Variants in DOCK8 observed in about 807,000 individuals in gnomAD.
DOCK8 encodes dedicator of cytokinesis 8.
DOCK8 carries 141 observed loss-of-function variants against 245.6 expected under a neutral mutation model. The ratio of observed to expected loss-of-function variants is 0.57; its 90% CI spans 0.50 to 0.66. The LOEUF (loss-of-function observed/expected upper bound fraction) is 0.66. Among genes scored for constraint, DOCK8 ranks in the 30% least tolerant of loss-of-function variants. The probability of loss-of-function intolerance (pLI) is 0.00; values close to 1 mark genes in which losing one functional copy is unlikely to be tolerated. For synonymous variants in DOCK8, 1,168 were observed against 970.2 expected, an observed-to-expected ratio of 1.20 and a Z score of -3.79; for missense variants, 2,965 against 2,603.4, an observed-to-expected ratio of 1.14 and a Z score of -3.02.
chr9:307,361 T>TGG (rs2049891902), intron 5 of DOCK8, among the ~76,000 whole-genome samples: 8 of 56,490 alleles, frequency 1.4e-4, no homozygotes, highest in African/African-American at 4.3e-4. Context: ...TTTTTTTTTT[T>TGG]TTTTTTTTTT....
At chr9:386,746 C>G (rs2053972638) in intron 23 of DOCK8, among the ~76,000 whole-genome samples, 1 of 151,614 alleles carries the variant, frequency 6.6e-6, no homozygotes. Flanking sequence ...ATTTGCATTT[C>G]TAACAAGTTC....
chr9:368,307 C>CT, intron 15 of DOCK8, 172 bp downstream of exon 15: 1 of 754,890 alleles, frequency 1.3e-6, no homozygotes, highest in Non-Finnish European at 2.5e-6. Context: ...CAGGGTCAGT[C>CT]TTACTTGACG....
At chr9:285,298 G>C (rs575164446) in intron 2 of DOCK8, among the ~76,000 whole-genome samples, 1 of 152,228 alleles carries the variant, frequency 6.6e-6, no homozygotes, top group East Asian at 1.9e-4. Context: ...TCTCCAGCTT[G>C]AAGCCCTTAC....
intron 21 of DOCK8, chr9:381,426 A>G (rs1345716314): frequency 1.3e-5 from 2 of 152,252 alleles, no homozygotes; most frequent in East Asian, 3.8e-4. Flanking sequence ...GTTATTAAAA[A>G]AAATCCCTTT....
chr9:446,870 AATATTTAATAT>A (rs1182778682), intron 44 of DOCK8, among the ~76,000 whole-genome samples: 55 of 151,662 alleles, frequency 3.6e-4, no homozygotes, highest in Non-Finnish European at 5.4e-4. Flanking sequence ...ATTTAATTAT[AATATTTAATAT>A]ATATTTCAAT....
rs955873472 is a variant in DOCK8, at chr9:368,073, G to C, written c.1735G>C (p.Ala579Pro). ...RLNFVNKLAS[A>P]RNITIKIQFM... is the part of the protein sequence containing the mutation. ...GAACTTTGTAAACAAACTAGCATCA[G>C]CCCGGAACATTACAATAAAGATCCA... The change falls in exon 15 of 48, where the codon GCC becomes CCC. Residue 579 changes from alanine to proline, a missense_variant. Ala to Pro is a conservative substitution (Grantham distance 27). This residue lies in a region of DOCK8 where 2,825 missense variants were observed against 2,453.5 expected (regional missense o/e 1.15). Transcript: ENST00000432829. The C allele has an allele frequency of 1.2e-6, 2 of 1,614,166 alleles. No homozygotes were observed. The highest frequency in any genetic ancestry group is 1.7e-6 in the Non-Finnish European group (2 of 1,180,016).
intron 39 of DOCK8, among the ~76,000 whole-genome samples, chr9:435,604 C>A (rs990447799): frequency 2.0e-5 from 3 of 152,172 alleles, no homozygotes; most frequent in African/African-American, 4.8e-5. Flanking sequence ...TAGGGGCCCA[C>A]TCTCCAATCC....
intron 12 of DOCK8, 65 bp from the exon 13 acceptor site, chr9:338,941 A>G (rs1034578072): frequency 1.5e-6 from 2 of 1,379,102 alleles, no homozygotes; most frequent in African/African-American, 1.4e-5. Flanking sequence ...CTTCCCAGAA[A>G]TCGTTTGTCC....
At chr9:283,965 G>C (rs1018131945) in intron 2 of DOCK8, among the ~76,000 whole-genome samples, 3 of 152,136 alleles carry the variant, frequency 2.0e-5, no homozygotes, top group Non-Finnish European at 4.4e-5. Context: ...ATACCTCACA[G>C]GGTTATAGTG....
chr9:292,665 G>T (rs989289208), intron 4 of DOCK8, among the ~76,000 whole-genome samples: 10 of 151,234 alleles, frequency 6.6e-5, no homozygotes, highest in African/African-American at 2.4e-4. Flanking sequence ...TTTTGGTAAA[G>T]ATATTAAGCC....
chr9:329,863 C>T (rs1039921258), intron 9 of DOCK8, among the ~76,000 whole-genome samples: 50 of 152,338 alleles, frequency 3.3e-4, no homozygotes, highest in South Asian at 2.9e-3. Flanking sequence ...GTTCATTTGG[C>T]ATAACAAACA....
intron 28 of DOCK8, among the ~76,000 whole-genome samples, chr9:412,647 AAAC>A (rs1322586875): frequency 5.9e-5 from 9 of 152,172 alleles, no homozygotes; most frequent in Non-Finnish European, 1.3e-4. Context: ...GAAATTAAGA[AAAC>A]AATTTCATAT....
intron 45 of DOCK8, among the ~76,000 whole-genome samples, chr9:450,811 A>G (rs188694348): frequency 1.2e-3 from 187 of 151,808 alleles, no homozygotes; most frequent in African/African-American, 4.0e-3. Context: ...ACCATGGTCT[A>G]TCTGTACACG....
chr9:379,992 A>C, intron 21 of DOCK8, 57 bp downstream of exon 21: 1 of 1,570,650 alleles, frequency 6.4e-7, no homozygotes, highest in South Asian at 1.1e-5. Context: ...CCTCCACCCC[A>C]CTGCAGTGTA....
intron 21 of DOCK8, among the ~76,000 whole-genome samples, chr9:381,864 G>A (rs2053732902): frequency 6.6e-6 from 1 of 152,016 alleles, no homozygotes; most frequent in South Asian, 2.1e-4. Context: ...GGAAGCTGAG[G>A]CAAGAGGATT....
At chr9:236,373 A>G (rs1587636747) in intron 1 of DOCK8, among the ~76,000 whole-genome samples, 1 of 152,338 alleles carries the variant, frequency 6.6e-6, no homozygotes, top group East Asian at 1.9e-4. Flanking sequence ...CTTTGTCTAC[A>G]AGGGAGATTG....
intron 33 of DOCK8, among the ~76,000 whole-genome samples, chr9:422,612 C>T (rs1233908254): frequency 6.6e-6 from 1 of 152,102 alleles, no homozygotes; most frequent in Admixed American, 6.5e-5. Flanking sequence ...AGTTGGATTG[C>T]CATCAAAATG....
intron 24 of DOCK8, among the ~76,000 whole-genome samples, chr9:393,570 T>A (rs2054303010): frequency 6.6e-6 from 1 of 152,210 alleles, no homozygotes; most frequent in African/African-American, 2.4e-5. Flanking sequence ...TGCCCCTAAC[T>A]GCTTTTGGCC....
At chr9:384,674 T>G (rs2053872633) in intron 22 of DOCK8, among the ~76,000 whole-genome samples, 2 of 152,180 alleles carry the variant, frequency 1.3e-5, no homozygotes, top group South Asian at 4.1e-4. Flanking sequence ...CCCAGCACTT[T>G]CGGAGGCTGA....
Sources: allele counts gnomAD v4.1 joint callset (sites outside exome capture counted in the v4.1 genomes callset), GRCh38; gene constraint gnomAD v4.1.1; regional missense constraint gnomAD v4.1.1; transcripts MANE v1.5; gene names NCBI Gene and HGNC (gene_info 2026-07-23, HGNC 2026-07-21).